Variants in MMP26 observed in about 807,000 individuals in gnomAD.
The protein encoded by MMP26 is matrix metalloproteinase-26.
In MMP26, 33 loss-of-function variants were observed where a neutral mutation model predicts 31.0. The observed-to-expected ratio is 1.06, with a 90% CI of 0.81 to 1.42. The LOEUF (loss-of-function observed/expected upper bound fraction) is 1.42. MMP26 is among the 40% of genes most tolerant of loss of function. The pLI is 0.00. For synonymous variants in MMP26, 122 were observed against 114.9 expected (o/e 1.06, Z -0.40); for missense variants, 347 against 316.1 (o/e 1.10, Z -0.74).
At position 4,769,823 on chromosome 11, in the gene MMP26, G is replaced by C. The variant is rs148685376; in HGVS notation, c.-145+2482G>C. ...GGCAATGGCATAAAAACAACAGAAA[G>C]GAATGGAGATCCAGACATGGGCAGA... On this transcript the variant is annotated intron_variant, in intron 2 of 7. Coordinates refer to ENST00000380390, the MANE Select transcript of MMP26 (RefSeq NM_021801.5). 3.0e-3 allele frequency: 4,781 copies of C among 1,612,860 alleles called. 15 individuals carry two copies. The highest frequency in any genetic ancestry group is 3.4e-3 in the Non-Finnish European group (3,984 of 1,178,870).
At chr11:4,891,362 C>A (rs148354706) in intron 2 of MMP26, among the ~76,000 whole-genome samples, 6 of 152,058 alleles carry the variant, frequency 3.9e-5, no homozygotes, top group African/African-American at 1.4e-4. Flanking sequence ...AAGGGAGGTA[C>A]CATATACTTT....
intron 5 of MMP26, 92 bp downstream of exon 5, chr11:4,990,838 T>TA: frequency 7.3e-7 from 1 of 1,365,822 alleles, no homozygotes; most frequent in Non-Finnish European, 9.9e-7. Flanking sequence ...GCCCCCCTAT[T>TA]AAAGTTTCTG....
chr11:4,942,291 T>A (rs1846222762), intron 2 of MMP26, among the ~76,000 whole-genome samples: 1 of 151,856 alleles, frequency 6.6e-6, no homozygotes, highest in Admixed American at 6.6e-5. Context: ...GTTTGTTTAT[T>A]ATTTATTTAT....
chr11:4,878,051 A>G (rs1433917), intron 2 of MMP26: 65,858 of 152,016 alleles, frequency 0.43, 16,058 homozygotes, highest in Non-Finnish European at 0.55. Flanking sequence ...ACCCAACAGA[A>G]GGCAAACATT....
chr11:4,881,856 T>C, intron 2 of MMP26: 1 of 1,513,248 alleles, frequency 6.6e-7, no homozygotes, highest in Non-Finnish European at 9.2e-7. Flanking sequence ...ATAAAGAATC[T>C]TAATTATTTT....
chr11:4,931,417 T>G (rs1234379262), intron 2 of MMP26, among the ~76,000 whole-genome samples: 4 of 151,818 alleles, frequency 2.6e-5, no homozygotes, highest in African/African-American at 9.7e-5. Context: ...GGCTGGAGAG[T>G]AAGCAGAAGA....
At position 4,804,191 on chromosome 11, in the gene MMP26, G is replaced by A. The variant is rs61740077; in HGVS notation, c.-145+36850G>A. ...GTGATGGCCAGCATGGCCAGAAAGAGGTACATGGGCTCATGCAGGGTGTGG... is the reference window on the plus strand; with the variant it reads ...GTGATGGCCAGCATGGCCAGAAAGAAGTACATGGGCTCATGCAGGGTGTGG... On this transcript the variant is annotated intron_variant, in intron 2 of 7. Coordinates refer to ENST00000380390, the MANE Select transcript of MMP26 (RefSeq NM_021801.5). 2.8e-3 allele frequency: 4,522 copies of A among 1,614,178 alleles called. 102 individuals carry two copies. In the African/African-American group the frequency reaches 0.052, roughly 18 times the overall value.
intron 2 of MMP26, among the ~76,000 whole-genome samples, chr11:4,929,554 A>G (rs546771593): frequency 6.6e-6 from 1 of 152,284 alleles, no homozygotes; most frequent in South Asian, 2.1e-4. Context: ...ATGTTATGCT[A>G]TAAATTCATA....
intron 2 of MMP26, chr11:4,915,456 T>G (rs751654779): frequency 1.1e-5 from 17 of 1,613,982 alleles, no homozygotes; most frequent in Non-Finnish European, 1.3e-5. Context: ...AGAGCCAGCA[T>G]GGACAGGAAG....
chr11:4,936,947 T>G (rs1846124005), intron 2 of MMP26, among the ~76,000 whole-genome samples: 2 of 152,194 alleles, frequency 1.3e-5, no homozygotes. Flanking sequence ...AGATCAAACA[T>G]TGCGTCATCA....
At chr11:4,910,727 A>G (rs960029845) in intron 2 of MMP26, among the ~76,000 whole-genome samples, 1 of 152,176 alleles carries the variant, frequency 6.6e-6, no homozygotes, top group Non-Finnish European at 1.5e-5. Context: ...ATGTCTGCAC[A>G]TCTTAGTTTT....
At chr11:4,912,244 A>G (rs1851002108) in intron 2 of MMP26, among the ~76,000 whole-genome samples, 1 of 149,586 alleles carries the variant, frequency 6.7e-6, no homozygotes, top group Non-Finnish European at 1.5e-5. Flanking sequence ...TCTTTTTAAA[A>G]TAAAATTGAT....
In MMP26 at chr11:4,923,917, T is replaced by C. The variant is rs778327804; in HGVS notation, c.-144-64151T>C. 1.8e-4 allele frequency: 289 copies of C among 1,613,980 alleles called. 2 individuals are homozygous for C. The highest frequency in any genetic ancestry group is 9.3e-6 in the Non-Finnish European group (11 of 1,180,024). ...AGCTTAGCCCCATCTTGACAATACA[T>C]GCAGGTGTCAGGACGGTGGAGTCAT... On this transcript the variant is annotated intron_variant, in intron 2 of 7. Coordinates refer to ENST00000380390, the MANE Select transcript of MMP26 (RefSeq NM_021801.5).
chr11:4,762,039 C>T (rs929128153), intron 1 of MMP26, among the ~76,000 whole-genome samples: 2 of 151,916 alleles, frequency 1.3e-5, no homozygotes, highest in East Asian at 1.9e-4. Context: ...ATTATCTGTA[C>T]AGTGATTATT....
intron 1 of MMP26, among the ~76,000 whole-genome samples, chr11:4,715,514 C>G (rs1223976852): frequency 6.6e-6 from 1 of 151,970 alleles, no homozygotes; most frequent in Admixed American, 6.6e-5. Context: ...AAAGAGAGAA[C>G]TACATGAATT....
intron 2 of MMP26, among the ~76,000 whole-genome samples, chr11:4,809,671 T>C (rs1564915163): frequency 6.6e-6 from 1 of 152,094 alleles, no homozygotes; most frequent in East Asian, 1.9e-4. Context: ...CTTATGGAAA[T>C]GTTGTGTGTG....
intron 2 of MMP26, among the ~76,000 whole-genome samples, chr11:4,968,602 T>A (rs1846626771): frequency 6.6e-6 from 1 of 151,992 alleles, no homozygotes; most frequent in Non-Finnish European, 1.5e-5. Flanking sequence ...TAGCAAACTA[T>A]TCTGATAAGA....
At chr11:4,812,071 T>G (rs2133462360) in intron 2 of MMP26, among the ~76,000 whole-genome samples, 1 of 152,254 alleles carries the variant, frequency 6.6e-6, no homozygotes, top group Admixed American at 6.5e-5. Context: ...TACGATAAAC[T>G]TATAGTCACG....
chr11:4,945,980 A>C, intron 2 of MMP26: 1 of 636,000 alleles, frequency 1.6e-6, no homozygotes. Flanking sequence ...TGGGGACATA[A>C]GGCAACGTAC....
Sources: gnomAD v4.1 joint callset for allele counts (sites outside exome capture counted in the v4.1 genomes callset) on GRCh38, gnomAD v4.1.1 for gene constraint, MANE v1.5 for transcripts, NCBI Gene and HGNC (gene_info 2026-07-23, HGNC 2026-07-21) for gene names.